CABP1: variants seen among roughly 807,000 people sequenced by gnomAD.
The protein encoded by CABP1 is calcium-binding protein 1.
CABP1 carries 17 observed loss-of-function variants against 34.3 expected under a neutral mutation model. The observed-to-expected ratio is 0.50, with a 90% CI of 0.34 to 0.74. CABP1 has a LOEUF of 0.74. Ranked by LOEUF, CABP1 falls within the 30% of genes least tolerant of loss-of-function variation. CABP1 has a pLI of 0.01. For missense variants in CABP1, 373 were observed against 511.1 expected (o/e 0.73, Z 2.61); for synonymous variants, 198 against 229.2 (o/e 0.86, Z 1.23).
At chr12:120,653,604 G>A (rs942006951) in intron 1 of CABP1, among the ~76,000 whole-genome samples, 9 of 152,116 alleles carry the variant, frequency 5.9e-5, no homozygotes, top group African/African-American at 1.7e-4. Context: ...GGCGCATCTC[G>A]GCTCACTGAA....
In CABP1 at chr12:120,641,808, C is replaced by G. The variant is rs1295642389; in HGVS notation, c.654+469C>G. Among the ~76,000 whole-genome samples the G allele has an allele frequency of 2.0e-5, 3 of 152,224 alleles. No individual in the cohort carries two copies. Among genetic ancestry groups the G allele is most frequent in the Non-Finnish European group, 4.4e-5 (3 of 68,030 alleles). On this transcript the variant is annotated intron_variant, in intron 1 of 5. Coordinates refer to ENST00000316803, the MANE Select transcript of CABP1 (RefSeq NM_001033677.2). The surrounding 1 kb of genome is among the most constrained non-coding windows in gnomAD (Gnocchi z 6.7). ...CAGAATTACTTGAGGGCGAGGGACA[C>G]TGGCCACTGCCTATCATGTCCCTGA...
At chr12:120,677,812 A>C in the CABP1 span, among the ~76,000 whole-genome samples, 1 of 152,320 alleles carries the variant, frequency 6.6e-6, no homozygotes. Flanking sequence ...TGATTTGTCC[A>C]AGGCCACCCA....
At chr12:120,653,330 A>G (rs1213903850) in intron 1 of CABP1, among the ~76,000 whole-genome samples, 1 of 152,130 alleles carries the variant, frequency 6.6e-6, no homozygotes, top group Non-Finnish European at 1.5e-5. Context: ...TGTATAACTC[A>G]TTACTTGTCG....
At chr12:120,653,780 G>A (rs970535116) in intron 1 of CABP1, among the ~76,000 whole-genome samples, 1 of 152,176 alleles carries the variant, frequency 6.6e-6, no homozygotes, top group Non-Finnish European at 1.5e-5. Context: ...TCATCCACCC[G>A]CCTCGGCCTC....
intron 1 of CABP1, 96 bp from the exon 2 acceptor site, chr12:120,659,782 C>A: frequency 8.8e-7 from 1 of 1,138,756 alleles, no homozygotes; most frequent in Non-Finnish European, 1.3e-6. Flanking sequence ...CACCTCCTAC[C>A]CAGTGCCTGC....
chr12:120,666,990 G>C lies in CABP1; in HGVS notation c.*90G>C. 1 of 1,491,346 alleles carries C rather than the reference G, an allele frequency of 6.7e-7. No individual in the cohort carries two copies. The highest frequency in any genetic ancestry group is 9.1e-7 in the Non-Finnish European group (1 of 1,103,498). The allele number at this position is 1,491,346 out of a possible 1,614,324, so 92.4% of individuals were successfully genotyped here. Reference sequence around the variant, plus strand: ...GCCTCACCCGCTGTAGCCGCCGAGAGCCCAGGATGTACTGGCGGATGGGGC... The same window carrying C: ...GCCTCACCCGCTGTAGCCGCCGAGACCCCAGGATGTACTGGCGGATGGGGC... On this transcript the variant is annotated 3_prime_UTR_variant, in exon 6 of 6. Coordinates refer to ENST00000316803, the MANE Select transcript of CABP1 (RefSeq NM_001033677.2).
intron 1 of CABP1, chr12:120,655,805 A>G (rs1880143518): frequency 6.6e-7 from 1 of 1,510,932 alleles, no homozygotes; most frequent in African/African-American, 1.4e-5. Context: ...GATTCTGTGC[A>G]TATGTATGTG....
chr12:120,650,891 GTGTT>G (rs1879805549), intron 1 of CABP1, among the ~76,000 whole-genome samples: 1 of 65,850 alleles, frequency 1.5e-5, no homozygotes, highest in South Asian at 4.4e-4. Flanking sequence ...GGGTGAAACT[GTGTT>G]TGGGAATTTG....
At position 120,641,099 on chromosome 12, in the gene CABP1, C is replaced by A; in HGVS notation, c.414C>A (p.Leu138=). The A allele has an allele frequency of 8.3e-7, 1 of 1,211,722 alleles. No individual in the cohort carries two copies. 75.1% of individuals were successfully genotyped at this position (1,211,722 alleles called of 1,614,324 possible). The change falls in exon 1 of 6, where the codon CTC becomes CTA. Residue 138 remains leucine, a synonymous_variant. Transcript: ENST00000316803. This position sits in a 1 kb window ranked among gnomAD's most constrained non-coding sequence, Gnocchi z 6.7. Reference sequence around the variant, plus strand: ...GCGCGCGGGGGAGCCAGCGTGTGCTCCCCCAGGCGCACTGCAGGCCCCGGG... The same window carrying A: ...GCGCGCGGGGGAGCCAGCGTGTGCTACCCCAGGCGCACTGCAGGCCCCGGG... ...EEGARGSQRV[L]PQAHCRPREA...
intron 5 of CABP1, 46 bp from the exon 6 acceptor site, chr12:120,666,829 G>A (rs1421353961): frequency 6.3e-7 from 1 of 1,579,990 alleles, no homozygotes; most frequent in Non-Finnish European, 8.6e-7. Flanking sequence ...ACCTGGGGAG[G>A]CCTCTGGCTG....
intron 1 of CABP1, among the ~76,000 whole-genome samples, chr12:120,653,367 A>G (rs1028064902): frequency 6.6e-6 from 1 of 152,148 alleles, no homozygotes; most frequent in African/African-American, 2.4e-5. Context: ...AGTCATGAGC[A>G]TCTCCCACAG....
chr12:120,657,824 T>A (rs1440643221), intron 1 of CABP1, among the ~76,000 whole-genome samples: 2 of 152,028 alleles, frequency 1.3e-5, no homozygotes, highest in Non-Finnish European at 2.9e-5. Context: ...TCCTCCCGAG[T>A]CCTGCAGAAC....
the CABP1 span, among the ~76,000 whole-genome samples, chr12:120,678,259 G>A: frequency 1.6e-4 from 25 of 152,246 alleles, no homozygotes; most frequent in East Asian, 3.1e-3. Flanking sequence ...TTAATAGTAC[G>A]CTTTGTTCTT....
the CABP1 span, among the ~76,000 whole-genome samples, chr12:120,673,865 G>A: frequency 1.3e-5 from 2 of 152,214 alleles, no homozygotes; most frequent in Non-Finnish European, 2.9e-5. Context: ...TTGGAATAGT[G>A]CCTGGCACGC....
At chr12:120,671,346 C>T (rs776973875), downstream of CABP1, among the ~76,000 whole-genome samples, 5 of 152,214 alleles carry the variant, frequency 3.3e-5, no homozygotes, top group African/African-American at 7.2e-5. Context: ...TGCAGTGAGC[C>T]GAGATTGCGC....
At chr12:120,675,239 G>A in the CABP1 span, among the ~76,000 whole-genome samples, 2 of 152,108 alleles carry the variant, frequency 1.3e-5, no homozygotes, top group African/African-American at 2.4e-5. Flanking sequence ...TTTTAGTAGA[G>A]ATGAGGTTTT....
intron 1 of CABP1, chr12:120,650,546 G>A: frequency 6.2e-7 from 1 of 1,606,778 alleles, no homozygotes; most frequent in Non-Finnish European, 8.5e-7. Context: ...AGGGAGGCTG[G>A]GGTTGGCAGA....
intron 5 of CABP1, among the ~76,000 whole-genome samples, chr12:120,665,705 A>T (rs78783531): frequency 0.09 from 13,549 of 150,462 alleles, 744 homozygotes; most frequent in East Asian, 0.18. Flanking sequence ...GTTTTGCCAT[A>T]AACCTAAAAT....
Position 120,660,906 on chromosome 12 carries a change from A to G in CABP1, c.939+66A>G, listed in dbSNP as rs571942596. The G allele has an allele frequency of 7.0e-7, 1 of 1,420,506 alleles. No homozygotes were observed. The highest frequency in any genetic ancestry group is 2.3e-5 in the East Asian group (1 of 43,808). 88.0% of individuals were successfully genotyped at this position (1,420,506 alleles called of 1,614,324 possible). On this transcript the variant is annotated intron_variant, in intron 4 of 5. Coordinates refer to ENST00000316803, the MANE Select transcript of CABP1 (RefSeq NM_001033677.2). The surrounding 1 kb of genome is among the most constrained non-coding windows in gnomAD (Gnocchi z 5.0). Reference sequence around the variant, plus strand: ...ATCCTATCTGCAGTATAAATACTTCAAAAGAAGCCTGAGCCTCAAGTCCCA... The same window carrying G: ...ATCCTATCTGCAGTATAAATACTTCGAAAGAAGCCTGAGCCTCAAGTCCCA...
Sources: gnomAD v4.1 joint callset for allele counts (sites outside exome capture counted in the v4.1 genomes callset) on GRCh38, gnomAD v4.1.1 for gene constraint, Gnocchi (gnomAD v3.1) non-coding constraint, MANE v1.5 for transcripts, NCBI Gene and HGNC (gene_info 2026-07-23, HGNC 2026-07-21) for gene names.